The following TVP23C variants were observed in gnomAD, a reference collection of about 807,000 sequenced individuals.
TVP23C encodes trans-golgi network vesicle protein 23 homolog C, also known as Golgi apparatus membrane protein TVP23 homolog C.
TVP23C carries 19 observed loss-of-function variants against 28.7 expected under a neutral mutation model. That is an observed-to-expected ratio of 0.66 (90% CI 0.46 to 0.97). The LOEUF is 0.97. Among genes scored for constraint, TVP23C ranks in the 50% least tolerant of loss-of-function variants. TVP23C has a pLI of 0.00. For missense variants in TVP23C, 186 were observed against 241.3 expected, an observed-to-expected ratio of 0.77 and a Z score of 1.52; for synonymous variants, 68 against 81.7, an observed-to-expected ratio of 0.83 and a Z score of 0.90.
Position 15,538,112 on chromosome 17 carries a change from A to G in TVP23C, c.*2300T>C. The G allele has an allele frequency of 6.2e-7, 1 of 1,613,848 alleles. No individual in the cohort carries two copies. The highest frequency in any genetic ancestry group is 8.5e-7 in the Non-Finnish European group (1 of 1,179,830). On this transcript the variant is annotated 3_prime_UTR_variant, in exon 6 of 6. Transcript: ENST00000518321. Reference sequence around the variant, plus strand: ...GTTGTTCCCCAATGTAACAAAGCACATAAGCTTTCTCTATTCAGGAAGTCT... The same window carrying G: ...GTTGTTCCCCAATGTAACAAAGCACGTAAGCTTTCTCTATTCAGGAAGTCT...
rs1983630227 is a variant in TVP23C, at chr17:15,545,977, T to C, written c.331-61A>G. The C allele has an allele frequency of 2.5e-6, 4 of 1,574,344 alleles. No individual in the cohort carries two copies. In the South Asian group the frequency reaches 4.7e-5, roughly 18 times the overall value. ...AAATTTATCAATAAAAAGTTCAACATATTTAATAAAAAACATATTACCCAC... is the reference window on the plus strand; with the variant it reads ...AAATTTATCAATAAAAAGTTCAACACATTTAATAAAAAACATATTACCCAC... On this transcript the variant is annotated intron_variant, in intron 4 of 5. Transcript: ENST00000518321.
intron 5 of TVP23C, among the ~76,000 whole-genome samples, chr17:15,524,063 G>GGTGTGTGTGTGTGTGT (rs10578424): frequency 2.2e-5 from 3 of 136,262 alleles, no homozygotes; most frequent in African/African-American, 5.6e-5. Flanking sequence ...AGCAGAGTGG[G>GGTGTGTGTGTGTGTGT]GTGTGTGTGT....
chr17:15,563,469 G>A lies in TVP23C; in HGVS notation c.-21C>T, dbSNP rs377260184. ...AACATGGCGGCCCTACGCCAGCCCTGCTTCCAGGAGCCACGTCAGCGCAGC... is the reference window on the plus strand; with the variant it reads ...AACATGGCGGCCCTACGCCAGCCCTACTTCCAGGAGCCACGTCAGCGCAGC... On this transcript the variant is annotated 5_prime_UTR_variant, in exon 1 of 6. Coordinates refer to ENST00000518321, the MANE Select transcript of TVP23C (RefSeq NM_001135036.2). The A allele has an allele frequency of 3.5e-5, 56 of 1,580,724 alleles. No homozygotes were observed. Among genetic ancestry groups the A allele is most frequent in the African/African-American group, 8.1e-5 (6 of 74,270 alleles).
chr17:15,508,729 G>A (rs913318974), intron 5 of TVP23C, among the ~76,000 whole-genome samples: 2 of 152,220 alleles, frequency 1.3e-5, no homozygotes, highest in East Asian at 3.8e-4. Flanking sequence ...GCCAAGGTAT[G>A]GTTGTAATGT....
chr17:15,503,019 G>T, exon 6 of TVP23C: 1 of 1,614,152 alleles, frequency 6.2e-7, no homozygotes. Flanking sequence ...GCCGCACGAA[G>T]AGGTGGAGAA....
chr17:15,508,488 G>A (rs895348899), intron 5 of TVP23C, among the ~76,000 whole-genome samples: 4 of 152,254 alleles, frequency 2.6e-5, no homozygotes, highest in Non-Finnish European at 5.9e-5. Context: ...CACACACCCT[G>A]CTCCCACCTG....
At chr17:15,536,226 C>T (rs1033869495), downstream of TVP23C, among the ~76,000 whole-genome samples, 8 of 152,150 alleles carry the variant, frequency 5.3e-5, no homozygotes, top group African/African-American at 9.7e-5. Flanking sequence ...TTCAGGGCTA[C>T]TATACCCACA....
At chr17:15,521,253 C>A in intron 5 of TVP23C, among the ~76,000 whole-genome samples, 1 of 152,006 alleles carries the variant, frequency 6.6e-6, no homozygotes, top group Non-Finnish European at 1.5e-5. Context: ...ACCTGTAATC[C>A]CAGCAGTTTG....
rs1430068866 is a variant in TVP23C, at chr17:15,524,084, G to GTT, written c.463-20853_463-20852insAA. ...GTGGGGTGTGTGTGTGTGTGTGTGT[G>GTT]TGTGTGTGTGTGTGTGTGTGTGTGT... On this transcript the variant is annotated intron_variant, in intron 5 of 5. Transcript: ENST00000225576. Among the ~76,000 whole-genome samples the GTT allele has an allele frequency of 4.6e-5, 7 of 151,300 alleles. No homozygotes were observed. In the East Asian group the frequency reaches 1.2e-3, roughly 25 times the overall value.
At chr17:15,546,146 T>A in intron 4 of TVP23C, among the ~76,000 whole-genome samples, 1 of 152,168 alleles carries the variant, frequency 6.6e-6, no homozygotes, top group Admixed American at 6.5e-5. Flanking sequence ...TTACCACAAC[T>A]CATGACAGTA....
chr17:15,550,520 T>C (rs1281816153), intron 3 of TVP23C, among the ~76,000 whole-genome samples: 3 of 152,252 alleles, frequency 2.0e-5, no homozygotes, highest in African/African-American at 7.2e-5. Flanking sequence ...GCCAATTATT[T>C]CATTCAGATC....
Position 15,528,797 on chromosome 17 carries a change from C to T in TVP23C, c.462+16988G>A, listed in dbSNP as rs546538624. ...ATTTTTAGCAGAGACGGGGTTTCTCCATGTTGGCCAGGCTGGTCTCGAACT... is the reference window on the plus strand; with the variant it reads ...ATTTTTAGCAGAGACGGGGTTTCTCTATGTTGGCCAGGCTGGTCTCGAACT... On this transcript the variant is annotated intron_variant, in intron 5 of 5. Transcript: ENST00000225576. Among the ~76,000 whole-genome samples the T allele has an allele frequency of 5.5e-3, 829 of 150,842 alleles. 15 individuals carry two copies. Among genetic ancestry groups the T allele is most frequent in the African/African-American group, 0.019 (780 of 40,630 alleles).
At chr17:15,552,217 C>A (rs1457695513) in intron 3 of TVP23C, among the ~76,000 whole-genome samples, 1 of 152,116 alleles carries the variant, frequency 6.6e-6, no homozygotes, top group Non-Finnish European at 1.5e-5. Context: ...GCAGTATGTA[C>A]TAAATACTTT....
At chr17:15,505,827 C>A (rs2150825551) in intron 5 of TVP23C, among the ~76,000 whole-genome samples, 1 of 152,314 alleles carries the variant, frequency 6.6e-6, no homozygotes, top group East Asian at 1.9e-4. Context: ...GCAATGAGCA[C>A]CCGGGCCAGC....
intron 5 of TVP23C, among the ~76,000 whole-genome samples, chr17:15,514,236 C>T (rs746314592): frequency 9.3e-5 from 14 of 151,080 alleles, no homozygotes; most frequent in Non-Finnish European, 1.8e-4. Flanking sequence ...TGGGACATAA[C>T]AAAATACCAT....
At chr17:15,546,187 T>C (rs1360097458) in intron 4 of TVP23C, among the ~76,000 whole-genome samples, 5 of 152,160 alleles carry the variant, frequency 3.3e-5, no homozygotes, top group African/African-American at 4.8e-5. Context: ...TTCTATTCAA[T>C]TCTTCTTGCA....
Position 15,540,450 on chromosome 17 carries a change from T to C in TVP23C, c.574A>G (p.Lys192Glu). Reference protein sequence around the residue: ...LTSMATSYFGKQFLRQVSVFW... With the variant: ...LTSMATSYFGEQFLRQVSVFW... ...ACACTTACTTGTCTTAAAAACTGCT[T>C]TCCAAAATATGAAGTAGCCATGCTG... Residue 192 changes from lysine (K) to glutamate (E), a missense_variant, in exon 6 of 6, where the codon AAG (lysine) becomes GAG (glutamate). Physicochemically the swap from Lys to Glu is moderately conservative, Grantham distance 56. Transcript: ENST00000518321. The C allele has an allele frequency of 6.2e-6, 10 of 1,602,802 alleles. No homozygotes were observed. Among genetic ancestry groups the C allele is most frequent in the Non-Finnish European group, 8.5e-6 (10 of 1,173,054 alleles).
At chr17:15,533,614 T>C (rs1983034454), downstream of TVP23C, among the ~76,000 whole-genome samples, 1 of 152,184 alleles carries the variant, frequency 6.6e-6, no homozygotes, top group Non-Finnish European at 1.5e-5. Context: ...GGAACAGATC[T>C]GCGGTTGAAT....
intron 5 of TVP23C, among the ~76,000 whole-genome samples, chr17:15,506,662 C>T (rs1468247325): frequency 6.6e-6 from 1 of 152,238 alleles, no homozygotes; most frequent in African/African-American, 2.4e-5. Context: ...AGCTGTAACA[C>T]TCACCGCAAA....
Sources: allele counts gnomAD v4.1 joint callset (sites outside exome capture counted in the v4.1 genomes callset), GRCh38; gene constraint gnomAD v4.1.1; transcripts MANE v1.5; gene names NCBI Gene and HGNC (gene_info 2026-07-23, HGNC 2026-07-21).